The following ENTREP2 variants were observed in gnomAD, a reference collection of about 807,000 sequenced individuals.
ENTREP2 encodes endosomal transmembrane epsin interactor 2.
chr15:29,232,039 GCCA>G, the ENTREP2 span, among the ~76,000 whole-genome samples: 4 of 151,866 alleles, frequency 2.6e-5, no homozygotes, highest in African/African-American at 9.7e-5. Context: ...ACAGGCGTGG[GCCA>G]CCACGTCTGG....
At chr15:29,507,149 A>G in the ENTREP2 span, among the ~76,000 whole-genome samples, 1 of 152,190 alleles carries the variant, frequency 6.6e-6, no homozygotes, top group Non-Finnish European at 1.5e-5. Context: ...AAAAATCAAA[A>G]AAGACAAACA....
At chr15:29,540,600 T>C in the ENTREP2 span, among the ~76,000 whole-genome samples, 3 of 152,194 alleles carry the variant, frequency 2.0e-5, no homozygotes, top group African/African-American at 7.2e-5. Flanking sequence ...GCTATCTGAA[T>C]AGAAATAGAA....
chr15:29,656,812 G>T, the ENTREP2 span, among the ~76,000 whole-genome samples: 1 of 152,132 alleles, frequency 6.6e-6, no homozygotes, highest in African/African-American at 2.4e-5. Context: ...AGTTAAGCAT[G>T]TACTTACCCT....
chr15:29,397,999 G>C, the ENTREP2 span, among the ~76,000 whole-genome samples: 1 of 151,514 alleles, frequency 6.6e-6, no homozygotes, highest in Non-Finnish European at 1.5e-5. Context: ...GACTCTTTCA[G>C]ATATTTAACT....
chr15:29,295,532 C>T, the ENTREP2 span, among the ~76,000 whole-genome samples: 61 of 152,306 alleles, frequency 4.0e-4, no homozygotes, highest in African/African-American at 6.3e-4. Flanking sequence ...CCAAACCCTA[C>T]GCAGCAGTTT....
At chr15:29,365,708 G>A in the ENTREP2 span, among the ~76,000 whole-genome samples, 70 of 151,216 alleles carry the variant, frequency 4.6e-4, no homozygotes, top group Admixed American at 1.3e-3. Context: ...AGGCTGCTCT[G>A]ATTTGTCTTT....
At chr15:29,471,927 T>G in the ENTREP2 span, among the ~76,000 whole-genome samples, 1 of 152,050 alleles carries the variant, frequency 6.6e-6, no homozygotes. Context: ...TGCACAACTC[T>G]CTGATTCAAG....
chr15:29,444,827 G>A, the ENTREP2 span, among the ~76,000 whole-genome samples: 3 of 152,190 alleles, frequency 2.0e-5, no homozygotes, highest in African/African-American at 7.2e-5. Flanking sequence ...GATGAAGATG[G>A]CTAGAGAGGC....
the ENTREP2 span, among the ~76,000 whole-genome samples, chr15:29,288,238 C>A: frequency 3.3e-5 from 5 of 152,194 alleles, no homozygotes; most frequent in Non-Finnish European, 7.3e-5. Context: ...GCAAGAAACA[C>A]ATACTGTTCT....
chr15:29,123,372 G>A, the ENTREP2 span: 29 of 1,543,094 alleles, frequency 1.9e-5, no homozygotes, highest in Non-Finnish European at 2.5e-5. Context: ...CGCCGAAGAC[G>A]GCCTCCTCCT....
At chr15:29,468,479 G>A in the ENTREP2 span, among the ~76,000 whole-genome samples, 7 of 151,950 alleles carry the variant, frequency 4.6e-5, no homozygotes, top group East Asian at 1.9e-4. Flanking sequence ...GGGTGGTGGC[G>A]CATGCCTGTA....
chr15:29,616,314 T>C, the ENTREP2 span, among the ~76,000 whole-genome samples: 1 of 152,060 alleles, frequency 6.6e-6, no homozygotes, highest in East Asian at 1.9e-4. Context: ...GTGGCAGAGT[T>C]AGCCTGCAGT....
the ENTREP2 span, among the ~76,000 whole-genome samples, chr15:29,169,872 C>T: frequency 7.8e-4 from 118 of 152,210 alleles, 4 homozygotes; most frequent in South Asian, 0.024. Context: ...TGGAAGAAGA[C>T]AGGCAAAAGA....
At chr15:29,423,705 G>A in the ENTREP2 span, among the ~76,000 whole-genome samples, 1 of 152,102 alleles carries the variant, frequency 6.6e-6, no homozygotes, top group Non-Finnish European at 1.5e-5. Flanking sequence ...GGCTGAGGCA[G>A]GAGAATGGCG....
the ENTREP2 span, among the ~76,000 whole-genome samples, chr15:29,481,715 G>A: frequency 6.6e-6 from 1 of 152,170 alleles, no homozygotes; most frequent in South Asian, 2.1e-4. Flanking sequence ...GCAGTGCCTT[G>A]ATCTTCCTCT....
the ENTREP2 span, among the ~76,000 whole-genome samples, chr15:29,572,732 G>A: frequency 6.6e-6 from 1 of 152,100 alleles, no homozygotes; most frequent in Admixed American, 6.5e-5. Context: ...ATCGAAGAAT[G>A]AGTTGCAAGC....
At chr15:29,408,923 T>C in the ENTREP2 span, among the ~76,000 whole-genome samples, 15,781 of 152,224 alleles carry the variant, frequency 0.1, 1,008 homozygotes, top group East Asian at 0.3. Flanking sequence ...TATGCATACC[T>C]AAAATACAAG....
At chr15:29,297,031 G>C in the ENTREP2 span, among the ~76,000 whole-genome samples, 1 of 146,848 alleles carries the variant, frequency 6.8e-6, no homozygotes, top group African/African-American at 2.7e-5. Context: ...ACCCCTGCTG[G>C]AAACCTACCA....
chr15:29,401,955 C>T, the ENTREP2 span, among the ~76,000 whole-genome samples: 3 of 152,012 alleles, frequency 2.0e-5, no homozygotes, highest in Admixed American at 6.6e-5. Context: ...TCTCTTGGAA[C>T]GACGCACAAG....
Sources: allele counts gnomAD v4.1 joint callset (sites outside exome capture counted in the v4.1 genomes callset), GRCh38; gene constraint gnomAD v4.1.1; transcripts MANE v1.5; gene names NCBI Gene and HGNC (gene_info 2026-07-23, HGNC 2026-07-21).